The following EXOC4 variants were observed in gnomAD, a reference collection of about 807,000 sequenced individuals.
EXOC4 encodes the protein SEC8-like 1.
A neutral mutation model predicts 107.2 loss-of-function variants in EXOC4; 71 were observed. That is an observed-to-expected ratio of 0.66 (90% CI 0.55 to 0.81). The LOEUF is 0.81. Ranked by LOEUF, EXOC4 falls within the 30% of genes least tolerant of loss-of-function variation. The probability of loss-of-function intolerance (pLI) is 0.00; values close to 1 mark genes in which losing one functional copy is unlikely to be tolerated. For missense variants in EXOC4, 1,108 were observed against 1,189.6 expected, an observed-to-expected ratio of 0.93 and a Z score of 1.01; for synonymous variants, 456 against 441.2, an observed-to-expected ratio of 1.03 and a Z score of -0.42.
chr7:133,263,064 C>T (rs1795189184), intron 1 of EXOC4, among the ~76,000 whole-genome samples: 1 of 152,180 alleles, frequency 6.6e-6, no homozygotes, highest in Non-Finnish European at 1.5e-5. Flanking sequence ...GTAAATGTGA[C>T]TTTGCTCCTC....
At chr7:133,481,706 C>T (rs911468653) in intron 9 of EXOC4, among the ~76,000 whole-genome samples, 11 of 152,116 alleles carry the variant, frequency 7.2e-5, no homozygotes, top group African/African-American at 2.2e-4. Context: ...AGGAGATTAG[C>T]CTACCAACAT....
chr7:133,571,370 A>C (rs760880350), intron 9 of EXOC4, among the ~76,000 whole-genome samples: 1 of 152,194 alleles, frequency 6.6e-6, no homozygotes, highest in Non-Finnish European at 1.5e-5. Flanking sequence ...CAGATTGAGT[A>C]ATTTATAAAA....
chr7:133,330,610 AG>A (rs1162852200), intron 5 of EXOC4, among the ~76,000 whole-genome samples: 4 of 152,040 alleles, frequency 2.6e-5, no homozygotes, highest in African/African-American at 9.7e-5. Context: ...AGAAAAGTTC[AG>A]TATCTAGTCC....
chr7:133,620,262 A>C (rs1270632152), intron 9 of EXOC4, among the ~76,000 whole-genome samples: 1 of 151,934 alleles, frequency 6.6e-6, no homozygotes, highest in Admixed American at 6.6e-5. Context: ...CCTGACCTTA[A>C]GTGATCCACC....
chr7:134,069,350 T>TCC (rs1334000341), downstream of EXOC4, among the ~76,000 whole-genome samples: 5 of 124,890 alleles, frequency 4.0e-5, no homozygotes, highest in Non-Finnish European at 8.2e-5. Context: ...CTCCTCCTCC[T>TCC]TCTCCTTCTT....
rs1585231519 is a variant in EXOC4 at position 133,896,846 on chromosome 7, G to GTTTTTTTTTTTTTTT, written c.1871+1112_1871+1113insTTTTTTTTTTTTTTT. ...ATGTCTGGCTATTTTTGTATTTTTA[G>GTTTTTTTTTTTTTTT]TAGAGATGGGGTTTCACCATGTTGG... is the stretch of plus-strand genomic sequence containing the variant. On this transcript the variant is annotated intron_variant, in intron 12 of 17. Coordinates refer to ENST00000253861, the MANE Select transcript of EXOC4 (RefSeq NM_021807.4). Among the ~76,000 whole-genome samples the GTTTTTTTTTTTTTTT allele has an allele frequency of 1.9e-4, 8 of 43,238 alleles. 3 individuals carry two copies. The African/African-American group carries it at 2.8e-3, about 15-fold the overall frequency. 28.4% of individuals were successfully genotyped at this position (43,238 alleles called of 152,430 possible). A position where few individuals can be genotyped will look rare whatever the true frequency, so the allele number is the denominator to read the frequency against.
intron 9 of EXOC4, among the ~76,000 whole-genome samples, chr7:133,626,774 G>A (rs745415987): frequency 5.3e-5 from 8 of 152,032 alleles, no homozygotes; most frequent in Non-Finnish European, 7.4e-5. Flanking sequence ...TGACTCTGAC[G>A]TTTTATTTTT....
chr7:133,577,788 A>G (rs1421678651), intron 9 of EXOC4, among the ~76,000 whole-genome samples: 2 of 152,194 alleles, frequency 1.3e-5, no homozygotes, highest in Non-Finnish European at 2.9e-5. Flanking sequence ...TGCTCAATAC[A>G]TATTTATTAA....
chr7:133,425,136 G>A (rs1254401335), intron 7 of EXOC4, among the ~76,000 whole-genome samples: 1 of 152,222 alleles, frequency 6.6e-6, no homozygotes, highest in Non-Finnish European at 1.5e-5. Context: ...AGCAGCCATG[G>A]AAGCTTCAGG....
chr7:133,759,842 A>G (rs1185428554), intron 10 of EXOC4, among the ~76,000 whole-genome samples: 1 of 152,136 alleles, frequency 6.6e-6, no homozygotes, highest in Admixed American at 6.5e-5. Context: ...CAGTAGAAGA[A>G]AAGTAAGATG....
Position 133,762,900 on chromosome 7 carries a change from T to C in EXOC4, c.1515-54425T>C, listed in dbSNP as rs192512617. Among the ~76,000 whole-genome samples, 18 of 152,266 alleles carry C rather than the reference T, an allele frequency of 1.2e-4. 1 individual carries two copies. The highest frequency in any genetic ancestry group is 3.4e-4 in the African/African-American group (14 of 41,556). On this transcript the variant is annotated intron_variant, in intron 10 of 17. Transcript: ENST00000253861. ...TGACTTTTAAGAAATATTTTTTCTT[T>C]GCTGTTTTAATTTTGTTATGCAATT... is the stretch of plus-strand genomic sequence containing the variant.
At chr7:133,490,228 G>A (rs1043141841) in intron 9 of EXOC4, among the ~76,000 whole-genome samples, 1 of 152,172 alleles carries the variant, frequency 6.6e-6, no homozygotes, top group Non-Finnish European at 1.5e-5. Flanking sequence ...TTCTGCATGA[G>A]AGATGAGTAA....
rs377029688 is a variant in EXOC4, at chr7:133,945,559, A to G, written c.2206+7490A>G. 9.2e-5 allele frequency among the ~76,000 whole-genome samples: 14 copies of G among 152,262 alleles called. No homozygotes were observed. In the South Asian group the frequency reaches 2.9e-3, roughly 32 times the overall value. On this transcript the variant is annotated intron_variant, in intron 14 of 17. Transcript: ENST00000253861. Reference sequence around the variant, plus strand: ...TTAACAACAAAAATGTTCCTCTTACACTTTTCAAGCCAGCTAAATGAGAAG... The same window carrying G: ...TTAACAACAAAAATGTTCCTCTTACGCTTTTCAAGCCAGCTAAATGAGAAG...
At chr7:133,567,433 A>T (rs1294249274) in intron 9 of EXOC4, among the ~76,000 whole-genome samples, 1 of 151,920 alleles carries the variant, frequency 6.6e-6, no homozygotes. Flanking sequence ...TCCTGTGTTG[A>T]TATGCATTCA....
intron 5 of EXOC4, among the ~76,000 whole-genome samples, chr7:133,321,029 A>G (rs1301583850): frequency 6.6e-6 from 1 of 152,148 alleles, no homozygotes; most frequent in Non-Finnish European, 1.5e-5. Flanking sequence ...TAGGCTCTTA[A>G]AGCTCCTCTC....
In EXOC4 at chr7:133,435,408, T is replaced by C. The variant is rs1584915384; in HGVS notation, c.1183-39920T>C. Among the ~76,000 whole-genome samples the C allele has an allele frequency of 3.3e-5, 5 of 152,178 alleles. No individual in the cohort carries two copies. The East Asian group carries it at 9.6e-4, about 29-fold the overall frequency. ...GTGTCTGTTTCAGACAAGCTCCTCT[T>C]GCTAAGTTGCTCAACTATTGTGGTA... On this transcript the variant is annotated intron_variant, in intron 7 of 17. Transcript: ENST00000253861.
chr7:134,011,684 G>T (rs940424199), intron 17 of EXOC4, among the ~76,000 whole-genome samples: 3 of 151,820 alleles, frequency 2.0e-5, no homozygotes, highest in Non-Finnish European at 4.4e-5. Flanking sequence ...TTCTCTGTAG[G>T]TCCTGGCCTC....
intron 10 of EXOC4, among the ~76,000 whole-genome samples, chr7:133,694,055 A>G (rs1794478828): frequency 6.6e-6 from 1 of 151,894 alleles, no homozygotes; most frequent in South Asian, 2.1e-4. Context: ...CATGAGGTCA[A>G]GAGATTGAGA....
intron 7 of EXOC4, among the ~76,000 whole-genome samples, chr7:133,411,003 C>T (rs1464761951): frequency 6.6e-6 from 1 of 152,038 alleles, no homozygotes; most frequent in Non-Finnish European, 1.5e-5. Flanking sequence ...TTAAGTCAAC[C>T]TCTCTGATCT....
Sources: allele counts gnomAD v4.1 joint callset (sites outside exome capture counted in the v4.1 genomes callset), GRCh38; gene constraint gnomAD v4.1.1; transcripts MANE v1.5; gene names NCBI Gene and HGNC (gene_info 2026-07-23, HGNC 2026-07-21).